ARHGAP23: variants seen among roughly 807,000 people sequenced by gnomAD.
ARHGAP23 encodes the protein rho GTPase-activating protein 23.
A neutral mutation model predicts 136.3 loss-of-function variants in ARHGAP23; 34 were observed. The observed-to-expected ratio is 0.25, with a 90% confidence interval of 0.19 to 0.33. ARHGAP23 has a LOEUF of 0.33. Ranked by LOEUF, ARHGAP23 falls within the 10% of genes least tolerant of loss-of-function variation. ARHGAP23 has a pLI of 1.00. For missense variants in ARHGAP23, 1,808 were observed against 2,139.0 expected (o/e 0.85, Z 3.05); for synonymous variants, 832 against 920.5 (o/e 0.90, Z 1.74).
intron 10 of ARHGAP23, 21 bp from the exon 11 acceptor site, chr17:38,471,842 T>C: frequency 6.6e-7 from 1 of 1,519,742 alleles, no homozygotes; most frequent in Non-Finnish European, 8.9e-7. Context: ...CCCTAAATTG[T>C]CCTCTGTTGT....
upstream of ARHGAP23, among the ~76,000 whole-genome samples, chr17:38,427,073 A>C (rs78292668): frequency 0.042 from 6,374 of 152,294 alleles, 405 homozygotes; most frequent in African/African-American, 0.14. Context: ...TAAACTGAAA[A>C]AGTCATGGGA....
At chr17:38,482,213 A>G (rs1311061866) in intron 15 of ARHGAP23, 70 bp downstream of exon 15, 1 of 1,524,234 alleles carries the variant, frequency 6.6e-7, no homozygotes, top group Non-Finnish European at 8.8e-7. Flanking sequence ...CAGAGCAGCA[A>G]GGGACATGGA....
intron 22 of ARHGAP23, chr17:38,498,858 C>T (rs113877277): frequency 0.11 from 74,042 of 694,806 alleles, 4,978 homozygotes; most frequent in Non-Finnish European, 0.14. Flanking sequence ...TCCTTGCACC[C>T]CCGCCTCTCC....
At chr17:38,458,574 A>G (rs1434022626) in intron 2 of ARHGAP23, among the ~76,000 whole-genome samples, 1 of 152,072 alleles carries the variant, frequency 6.6e-6, no homozygotes, top group South Asian at 2.1e-4. Context: ...CAGGATGCTC[A>G]CCTCACACCC....
At chr17:38,448,828 TAGAGA>T (rs2039093083) in intron 1 of ARHGAP23, among the ~76,000 whole-genome samples, 1 of 148,824 alleles carries the variant, frequency 6.7e-6, no homozygotes, top group African/African-American at 2.6e-5. Flanking sequence ...AAATTTTTTG[TAGAGA>T]TGGGGTCTTG....
At chr17:38,509,570 C>T (rs2069113449) in intron 23 of ARHGAP23, among the ~76,000 whole-genome samples, 1 of 152,110 alleles carries the variant, frequency 6.6e-6, no homozygotes, top group Admixed American at 6.5e-5. Flanking sequence ...GGTGATGACA[C>T]CCCAGGGGCG....
intron 6 of ARHGAP23, among the ~76,000 whole-genome samples, chr17:38,464,613 C>T (rs2039539789): frequency 2.0e-5 from 3 of 152,212 alleles, no homozygotes; most frequent in Admixed American, 2.0e-4. Flanking sequence ...AGGTGGACTG[C>T]TTACCCCAAG....
intron 20 of ARHGAP23, among the ~76,000 whole-genome samples, chr17:38,493,879 AC>A (rs1356353564): frequency 6.6e-6 from 1 of 152,208 alleles, no homozygotes; most frequent in Non-Finnish European, 1.5e-5. Flanking sequence ...ACCTATGTTT[AC>A]GAAGTCAAAT....
intron 1 of ARHGAP23, 42 bp from the exon 2 acceptor site, chr17:38,458,060 C>G (rs2039369909): frequency 6.5e-7 from 1 of 1,533,804 alleles, no homozygotes; most frequent in Non-Finnish European, 8.7e-7. Flanking sequence ...CCAGAAGTGT[C>G]AGCCACACGG....
upstream of ARHGAP23, among the ~76,000 whole-genome samples, chr17:38,425,959 G>A (rs1020455404): frequency 2.0e-5 from 3 of 151,862 alleles, no homozygotes; most frequent in East Asian, 2.0e-4. Context: ...GGAGGAATTC[G>A]CCTGCCGGTC....
At chr17:38,472,426 T>C (rs945206600) in intron 11 of ARHGAP23, among the ~76,000 whole-genome samples, 2 of 146,550 alleles carry the variant, frequency 1.4e-5, no homozygotes, top group Admixed American at 6.6e-5. Context: ...AACCAAAAGC[T>C]CTCGGGGGCT....
chr17:38,424,224 C>A (rs957421476), upstream of ARHGAP23, among the ~76,000 whole-genome samples: 5 of 152,126 alleles, frequency 3.3e-5, no homozygotes, highest in Admixed American at 3.3e-4. Flanking sequence ...CTCCAGTCCG[C>A]TCATCACGCC....
chr17:38,483,416 G>GTGTT (rs1343277505), intron 16 of ARHGAP23, among the ~76,000 whole-genome samples: 1 of 152,230 alleles, frequency 6.6e-6, no homozygotes, highest in African/African-American at 2.4e-5. Flanking sequence ...TTCTCAAAGG[G>GTGTT]TGTTCCCCAG....
chr17:38,469,102 G>T, intron 7 of ARHGAP23, 42 bp from the exon 8 acceptor site: 2 of 1,513,228 alleles, frequency 1.3e-6, no homozygotes, highest in South Asian at 1.3e-5. Flanking sequence ...GGCAGGCTCC[G>T]CTGTCTGCTG....
In ARHGAP23 at chr17:38,510,560, T is replaced by A; in HGVS notation, c.4064T>A (p.Leu1355Gln). 1 of 1,229,354 alleles carries A rather than the reference T, an allele frequency of 8.1e-7. No individual in the cohort carries two copies. Among genetic ancestry groups the A allele is most frequent in the Non-Finnish European group, 1.0e-6 (1 of 985,848 alleles). 76.2% of individuals were successfully genotyped at this position (1,229,354 alleles called of 1,614,324 possible). ...GCGTCGTCCAGCAGCCAGGAGTCGCTGCGGCCCCCGGCGGCGGCGCTGGCC... is the reference window on the plus strand; with the variant it reads ...GCGTCGTCCAGCAGCCAGGAGTCGCAGCGGCCCCCGGCGGCGGCGCTGGCC... Reference protein sequence around the residue: ...GSASSSSQESLRPPAAALASR... With the variant: ...GSASSSSQESQRPPAAALASR... The change falls in exon 24 of 24, where the codon CTG becomes CAG. Residue 1355 changes from leucine to glutamine, a missense_variant. Coordinates refer to ENST00000622683, the MANE Select transcript of ARHGAP23 (RefSeq NM_001199417.2). This position sits in a 1 kb window ranked among gnomAD's most constrained non-coding sequence, Gnocchi z 4.6.
intron 1 of ARHGAP23, among the ~76,000 whole-genome samples, chr17:38,441,686 C>T (rs567416052): frequency 3.3e-4 from 51 of 152,254 alleles, no homozygotes; most frequent in African/African-American, 1.1e-3. Flanking sequence ...CTAAGTTAAA[C>T]AAGCGTTTCA....
At chr17:38,481,713 C>G (rs1156360860) in intron 14 of ARHGAP23, among the ~76,000 whole-genome samples, 2 of 152,200 alleles carry the variant, frequency 1.3e-5, no homozygotes, top group Non-Finnish European at 2.9e-5. Context: ...GAGCTATGAT[C>G]ATACCACTGC....
intron 6 of ARHGAP23, among the ~76,000 whole-genome samples, chr17:38,464,701 G>A (rs1280414783): frequency 6.6e-6 from 1 of 152,196 alleles, no homozygotes; most frequent in Non-Finnish European, 1.5e-5. Context: ...GGGACCCTAG[G>A]GTGTCCCCCA....
chr17:38,501,593 G>T (rs1208783762), intron 23 of ARHGAP23, among the ~76,000 whole-genome samples: 1 of 152,016 alleles, frequency 6.6e-6, no homozygotes, highest in Non-Finnish European at 1.5e-5. Flanking sequence ...GAGTCACTGC[G>T]CCTGGCTATA....
Sources: allele counts gnomAD v4.1 joint callset (sites outside exome capture counted in the v4.1 genomes callset), GRCh38; gene constraint gnomAD v4.1.1; non-coding constraint Gnocchi (gnomAD v3.1); transcripts MANE v1.5; gene names NCBI Gene and HGNC (gene_info 2026-07-23, HGNC 2026-07-21).